Variants in GABRB1 observed in about 807,000 individuals in gnomAD.
GABRB1 encodes the protein gamma-aminobutyric acid type A receptor subunit beta1.
In GABRB1, 17 loss-of-function variants were observed where a neutral mutation model predicts 51.6. The observed-to-expected ratio is 0.33, with a 90% CI of 0.23 to 0.49. The LOEUF (loss-of-function observed/expected upper bound fraction) is 0.49, where lower values mean the gene tolerates loss of function less well. Ranked by LOEUF, GABRB1 falls within the 20% of genes least tolerant of loss-of-function variation. The pLI is 0.99. For synonymous variants in GABRB1, 247 were observed against 218.9 expected (o/e 1.13, Z -1.14); for missense variants, 410 against 600.6 (o/e 0.68, Z 3.32).
At chr4:47,414,983 C>T (rs772260067) in intron 8 of GABRB1, among the ~76,000 whole-genome samples, 8 of 152,346 alleles carry the variant, frequency 5.3e-5, no homozygotes, top group Admixed American at 1.3e-4. Flanking sequence ...TACTGACAGC[C>T]TGTGTTGATA....
intron 5 of GABRB1, among the ~76,000 whole-genome samples, chr4:47,344,407 G>A (rs777658498): frequency 9.2e-5 from 14 of 152,304 alleles, no homozygotes; most frequent in Non-Finnish European, 2.1e-4. Context: ...TATGGTTAGA[G>A]TACTGGAAGC....
chr4:47,297,393 T>A (rs1442664815), intron 4 of GABRB1, among the ~76,000 whole-genome samples: 5 of 96,578 alleles, frequency 5.2e-5, no homozygotes, highest in African/African-American at 1.2e-4. Context: ...GAGAGAAGAA[T>A]CAAATAGACA....
chr4:47,301,250 T>G (rs1383860156), intron 4 of GABRB1, among the ~76,000 whole-genome samples: 1 of 152,084 alleles, frequency 6.6e-6, no homozygotes, highest in Non-Finnish European at 1.5e-5. Context: ...AATAAATCCA[T>G]TGGATATTAT....
At chr4:47,092,165 C>CTTTTTTT (rs869057256) in intron 3 of GABRB1, among the ~76,000 whole-genome samples, 19 of 60,496 alleles carry the variant, frequency 3.1e-4, no homozygotes, top group East Asian at 2.1e-3. Flanking sequence ...TTCTTTCTTT[C>CTTTTTTT]TTTTTTTTTT....
At chr4:47,101,670 T>C (rs1164853763) in intron 3 of GABRB1, among the ~76,000 whole-genome samples, 1 of 152,078 alleles carries the variant, frequency 6.6e-6, no homozygotes, top group African/African-American at 2.4e-5. Flanking sequence ...CTATTGTTTA[T>C]GTTCTGCTTT....
intron 4 of GABRB1, among the ~76,000 whole-genome samples, chr4:47,313,891 T>C (rs1724795040): frequency 6.6e-6 from 1 of 152,056 alleles, no homozygotes; most frequent in African/African-American, 2.4e-5. Flanking sequence ...CCTTACTAAA[T>C]AGTTGTGGGA....
At position 47,361,152 on chromosome 4, in the gene GABRB1, C is replaced by T. The variant is rs145531798; in HGVS notation, c.544+40943C>T. The stretch of plus-strand genomic sequence containing the variant: ...TAGTGACAAGAAAAAAATAGTGGTG[C>T]ATCGCATGGTTCTTTGTGTCTATAA... On this transcript the variant is annotated intron_variant, in intron 5 of 8. Coordinates refer to ENST00000295454, the MANE Select transcript of GABRB1 (RefSeq NM_000812.4). Among the ~76,000 whole-genome samples the T allele has an allele frequency of 2.0e-3, 299 of 152,080 alleles. 1 individual carries two copies. The highest frequency in any genetic ancestry group is 6.9e-3 in the African/African-American group (285 of 41,516).
chr4:47,098,710 T>C (rs1023009864), intron 3 of GABRB1, among the ~76,000 whole-genome samples: 1 of 152,078 alleles, frequency 6.6e-6, no homozygotes, highest in African/African-American at 2.4e-5. Context: ...TTGCCTAAGG[T>C]TAAATGATTG....
At chr4:47,299,566 C>T (rs1323908595) in intron 4 of GABRB1, among the ~76,000 whole-genome samples, 25 of 152,096 alleles carry the variant, frequency 1.6e-4, no homozygotes, top group Admixed American at 2.0e-4. Flanking sequence ...GTTAGAATGA[C>T]CATCATTCAA....
At chr4:47,137,237 G>T (rs1219676319) in intron 3 of GABRB1, among the ~76,000 whole-genome samples, 1 of 152,076 alleles carries the variant, frequency 6.6e-6, no homozygotes, top group Non-Finnish European at 1.5e-5. Context: ...CAGAGCTGCA[G>T]TAGAAGAAGG....
intron 3 of GABRB1, among the ~76,000 whole-genome samples, chr4:47,050,788 A>G (rs1016521523): frequency 6.6e-6 from 1 of 152,180 alleles, no homozygotes; most frequent in Non-Finnish European, 1.5e-5. Flanking sequence ...AACTTCAATC[A>G]TAAATTCAAT....
chr4:47,354,903 ACCTGCCTGCCTGCCTG>A (rs55735490), intron 5 of GABRB1, among the ~76,000 whole-genome samples: 1,757 of 128,622 alleles, frequency 0.014, 86 homozygotes, highest in African/African-American at 0.05. Flanking sequence ...AGGCCTTCCT[ACCTGCCTGCCTGCCTG>A]CCTGCCTGCC....
At chr4:47,038,146 G>A (rs1426570458) in intron 3 of GABRB1, among the ~76,000 whole-genome samples, 3 of 152,150 alleles carry the variant, frequency 2.0e-5, no homozygotes, top group Non-Finnish European at 4.4e-5. Flanking sequence ...TCCCTTGCTA[G>A]ATTGTCTTAA....
At chr4:47,108,759 CT>C (rs1715091276) in intron 3 of GABRB1, among the ~76,000 whole-genome samples, 1 of 151,962 alleles carries the variant, frequency 6.6e-6, no homozygotes, top group Non-Finnish European at 1.5e-5. Flanking sequence ...TAGGTGTTAC[CT>C]TACACTGTTC....
At chr4:47,149,307 T>G (rs1717323855) in intron 3 of GABRB1, among the ~76,000 whole-genome samples, 1 of 152,076 alleles carries the variant, frequency 6.6e-6, no homozygotes, top group African/African-American at 2.4e-5. Flanking sequence ...CTGTAACATA[T>G]TTTAGGCTAC....
At chr4:47,308,311 T>G (rs73249603) in intron 4 of GABRB1, among the ~76,000 whole-genome samples, 1 of 152,192 alleles carries the variant, frequency 6.6e-6, no homozygotes, top group Non-Finnish European at 1.5e-5. Context: ...CATACTACAA[T>G]GCTAATCATT....
chr4:47,154,218 T>C, intron 3 of GABRB1, among the ~76,000 whole-genome samples: 1 of 151,888 alleles, frequency 6.6e-6, no homozygotes, highest in African/African-American at 2.4e-5. Context: ...TATCAGGCCA[T>C]TTTTCACTGA....
At chr4:47,144,955 T>C (rs1372775981) in intron 3 of GABRB1, among the ~76,000 whole-genome samples, 2 of 151,866 alleles carry the variant, frequency 1.3e-5, no homozygotes, top group African/African-American at 4.8e-5. Flanking sequence ...AGTAACAAAC[T>C]GTAAAATAAT....
At chr4:47,190,475 C>T (rs944327840) in intron 4 of GABRB1, among the ~76,000 whole-genome samples, 5 of 152,058 alleles carry the variant, frequency 3.3e-5, no homozygotes, top group Non-Finnish European at 7.4e-5. Flanking sequence ...TTGATCCTTC[C>T]AACAAACCTG....
Sources: allele counts gnomAD v4.1 joint callset (sites outside exome capture counted in the v4.1 genomes callset), GRCh38; gene constraint gnomAD v4.1.1; transcripts MANE v1.5; gene names NCBI Gene and HGNC (gene_info 2026-07-23, HGNC 2026-07-21).